The following LDB2 variants were observed in gnomAD, a reference collection of about 807,000 sequenced individuals.
The protein encoded by LDB2 is LIM domain-binding protein 2.
In LDB2, 12 loss-of-function variants were observed where a neutral mutation model predicts 44.3. The ratio of observed to expected loss-of-function variants is 0.27; its 90% CI spans 0.17 to 0.44. LDB2 has a LOEUF of 0.44. LDB2 is among the 20% of genes least tolerant of loss of function. LDB2 has a pLI of 1.00. For synonymous variants in LDB2, 164 were observed against 174.8 expected (o/e 0.94, Z 0.49); for missense variants, 344 against 473.5 (o/e 0.73, Z 2.54).
At chr4:16,676,450 C>T (rs1433266971) in intron 2 of LDB2, among the ~76,000 whole-genome samples, 1 of 152,218 alleles carries the variant, frequency 6.6e-6, no homozygotes, top group Non-Finnish European at 1.5e-5. Flanking sequence ...GATCACGGAA[C>T]ACCCTGGGGA....
chr4:16,629,626 TAAC>T (rs1164941015), intron 2 of LDB2, among the ~76,000 whole-genome samples: 1 of 151,854 alleles, frequency 6.6e-6, no homozygotes, highest in Non-Finnish European at 1.5e-5. Context: ...AGATTGGTAA[TAAC>T]AAATTTCTCC....
At chr4:16,544,048 G>A (rs989617896) in intron 5 of LDB2, among the ~76,000 whole-genome samples, 6 of 152,078 alleles carry the variant, frequency 3.9e-5, no homozygotes, top group Middle Eastern at 3.4e-3. Context: ...TTAAATTCCT[G>A]CTTTTATGTG....
intron 2 of LDB2, among the ~76,000 whole-genome samples, chr4:16,731,380 G>T (rs1425308259): frequency 6.6e-6 from 1 of 152,206 alleles, no homozygotes; most frequent in African/African-American, 2.4e-5. Flanking sequence ...CCCTTGATGT[G>T]ATGGTATTTG....
chr4:16,781,415 C>T (rs572112074), intron 1 of LDB2, among the ~76,000 whole-genome samples: 2 of 152,260 alleles, frequency 1.3e-5, no homozygotes, highest in South Asian at 4.1e-4. Context: ...AAAATAAAGT[C>T]AGAGCAGATG....
intron 7 of LDB2, chr4:16,507,159 C>T (rs1197915760): frequency 6.6e-6 from 1 of 152,144 alleles, no homozygotes; most frequent in Non-Finnish European, 1.5e-5. Context: ...AGTGGAGGAC[C>T]ACCTGGAGAC....
chr4:16,857,698 C>A (rs374456348), intron 1 of LDB2, among the ~76,000 whole-genome samples: 1 of 152,194 alleles, frequency 6.6e-6, no homozygotes, highest in East Asian at 1.9e-4. Context: ...TGCTCTTCCT[C>A]GAAATGTTGG....
intron 1 of LDB2, among the ~76,000 whole-genome samples, chr4:16,839,505 A>G (rs1371541370): frequency 6.6e-6 from 1 of 152,168 alleles, no homozygotes; most frequent in Non-Finnish European, 1.5e-5. Flanking sequence ...GCAAATTTCA[A>G]CTTGAGATTT....
In LDB2 at chr4:16,822,739, C is replaced by T. The variant is rs190313585; in HGVS notation, c.133-63479G>A. Among the ~76,000 whole-genome samples the T allele has an allele frequency of 5.2e-3, 784 of 152,154 alleles. 7 individuals are homozygous for T. Among genetic ancestry groups the T allele is most frequent in the African/African-American group, 0.018 (748 of 41,510 alleles). ...CCATGTTGGCCAGGCTGGTCTTGAA[C>T]TCCTGACCTCAAGTGATCCACCCGC... On this transcript the variant is annotated intron_variant, in intron 1 of 7. Transcript: ENST00000304523.
At chr4:16,662,156 G>A (rs1257772897) in intron 2 of LDB2, among the ~76,000 whole-genome samples, 1 of 152,008 alleles carries the variant, frequency 6.6e-6, no homozygotes, top group Non-Finnish European at 1.5e-5. Context: ...GAATAGCTTG[G>A]TTTCTACCCG....
At chr4:16,640,784 GA>G (rs1480777305) in intron 2 of LDB2, among the ~76,000 whole-genome samples, 1 of 152,138 alleles carries the variant, frequency 6.6e-6, no homozygotes, top group Non-Finnish European at 1.5e-5. Context: ...CTTTTCCTCT[GA>G]AAAGAGTAGA....
At chr4:16,734,633 G>A (rs970617286) in intron 2 of LDB2, among the ~76,000 whole-genome samples, 7 of 151,318 alleles carry the variant, frequency 4.6e-5, no homozygotes, top group African/African-American at 1.7e-4. Context: ...CCTGGCCGAG[G>A]CCCTGTCTTG....
intron 2 of LDB2, among the ~76,000 whole-genome samples, chr4:16,645,399 C>T (rs897374651): frequency 2.0e-5 from 3 of 151,408 alleles, no homozygotes; most frequent in African/African-American, 7.3e-5. Flanking sequence ...TAGCCGGGCG[C>T]GGTGGCGGGC....
chr4:16,730,309 C>G (rs754411032), intron 2 of LDB2, among the ~76,000 whole-genome samples: 1 of 152,082 alleles, frequency 6.6e-6, no homozygotes, highest in Non-Finnish European at 1.5e-5. Flanking sequence ...TTTTGCTTCA[C>G]GGTCATTATC....
Position 16,772,085 on chromosome 4 carries a change from G to A in LDB2, c.133-12825C>T, listed in dbSNP as rs184056872. The stretch of plus-strand genomic sequence containing the variant: ...CAGGGCTGCACTCCACTACACCACA[G>A]GGCCCTTTGAACCAGCTGCGTCCAC... On this transcript the variant is annotated intron_variant, in intron 1 of 7. Transcript: ENST00000304523. 6.6e-5 allele frequency among the ~76,000 whole-genome samples: 10 copies of A among 152,242 alleles called. No individual in the cohort carries two copies. The East Asian group carries it at 1.7e-3, about 27-fold the overall frequency.
chr4:16,778,177 G>C (rs1346286944), intron 1 of LDB2, among the ~76,000 whole-genome samples: 1 of 152,094 alleles, frequency 6.6e-6, no homozygotes, highest in Non-Finnish European at 1.5e-5. Flanking sequence ...ATGCTTTAAG[G>C]TCTGACATCT....
chr4:16,745,991 G>C (rs999468318), intron 2 of LDB2, among the ~76,000 whole-genome samples: 1 of 151,934 alleles, frequency 6.6e-6, no homozygotes, highest in African/African-American at 2.4e-5. Flanking sequence ...TGAAGGCCTC[G>C]CTTTTGTCGT....
chr4:16,859,342 GC>G (rs1711670200), intron 1 of LDB2, among the ~76,000 whole-genome samples: 1 of 152,202 alleles, frequency 6.6e-6, no homozygotes, highest in Non-Finnish European at 1.5e-5. Flanking sequence ...CACCATCAAG[GC>G]TGGTGGTATG....
At chr4:16,844,494 T>C (rs1204616228) in intron 1 of LDB2, among the ~76,000 whole-genome samples, 1 of 152,164 alleles carries the variant, frequency 6.6e-6, no homozygotes, top group Non-Finnish European at 1.5e-5. Flanking sequence ...TCCCTTTTTA[T>C]GGTAAAGATA....
At chr4:16,739,977 C>T (rs10024089) in intron 2 of LDB2, among the ~76,000 whole-genome samples, 41,995 of 150,928 alleles carry the variant, frequency 0.28, 7,169 homozygotes, top group East Asian at 0.53. Flanking sequence ...ACTTTTAAAA[C>T]TTATAATCAC....
Sources: gnomAD v4.1 joint callset for allele counts (sites outside exome capture counted in the v4.1 genomes callset) on GRCh38, gnomAD v4.1.1 for gene constraint, MANE v1.5 for transcripts, NCBI Gene and HGNC (gene_info 2026-07-23, HGNC 2026-07-21) for gene names.